SMYD3: variants seen among roughly 807,000 people sequenced by gnomAD.
The protein encoded by SMYD3 is SET and MYND domain containing 3.
In SMYD3, 36 loss-of-function variants were observed where a neutral mutation model predicts 57.7. The ratio of observed to expected loss-of-function variants is 0.62; its 90% CI spans 0.48 to 0.82. The LOEUF (loss-of-function observed/expected upper bound fraction) is 0.82, where lower values mean the gene tolerates loss of function less well. Ranked by LOEUF, SMYD3 falls within the 40% of genes least tolerant of loss-of-function variation. The pLI is 0.00. For missense variants in SMYD3, 515 were observed against 538.8 expected (o/e 0.96, Z 0.44); for synonymous variants, 211 against 195.0 (o/e 1.08, Z -0.68).
intron 5 of SMYD3, among the ~76,000 whole-genome samples, chr1:246,324,436 A>G (rs993177000): frequency 6.6e-6 from 1 of 151,718 alleles, no homozygotes; most frequent in African/African-American, 2.4e-5. Flanking sequence ...AAAAAAAAAA[A>G]AAGATGGGCT....
intron 5 of SMYD3, among the ~76,000 whole-genome samples, chr1:246,244,084 C>A (rs1166711338): frequency 2.1e-5 from 3 of 144,152 alleles, no homozygotes. Flanking sequence ...CATTTTATTT[C>A]ATTAATATCT....
intron 5 of SMYD3, among the ~76,000 whole-genome samples, chr1:246,171,762 AT>A (rs2062338181): frequency 6.6e-6 from 1 of 152,222 alleles, no homozygotes; most frequent in Non-Finnish European, 1.5e-5. Context: ...TATGATTCCA[AT>A]GCTTTGGGAG....
intron 10 of SMYD3, among the ~76,000 whole-genome samples, chr1:245,783,768 T>G (rs1319653018): frequency 1.3e-5 from 2 of 151,932 alleles, no homozygotes; most frequent in Non-Finnish European, 2.9e-5. Context: ...AAAACCAAAA[T>G]AAAAAACACA....
At chr1:245,873,352 A>T (rs2052321255) in intron 8 of SMYD3, among the ~76,000 whole-genome samples, 1 of 152,202 alleles carries the variant, frequency 6.6e-6, no homozygotes, top group Non-Finnish European at 1.5e-5. Context: ...TACCAAATGG[A>T]TGGCTTAGGC....
At chr1:246,260,714 A>T (rs899785247) in intron 5 of SMYD3, among the ~76,000 whole-genome samples, 2 of 152,068 alleles carry the variant, frequency 1.3e-5, no homozygotes, top group African/African-American at 2.4e-5. Flanking sequence ...ACCAGGCGTG[A>T]GCCACTGCGC....
intron 5 of SMYD3, among the ~76,000 whole-genome samples, chr1:246,173,957 T>TCACCACACCTGACTA (rs2062389567): frequency 6.6e-6 from 1 of 151,992 alleles, no homozygotes; most frequent in South Asian, 2.1e-4. Flanking sequence ...CAGGTGCGTG[T>TCACCACACCTGACTA]CACCACACCT....
At chr1:245,817,033 G>A (rs1483032328) in intron 10 of SMYD3, among the ~76,000 whole-genome samples, 2 of 151,536 alleles carry the variant, frequency 1.3e-5, no homozygotes, top group African/African-American at 2.4e-5. Context: ...CTCGAACTGG[G>A]TGGAGCCCAC....
At chr1:246,056,920 T>C (rs2060161955) in intron 5 of SMYD3, among the ~76,000 whole-genome samples, 1 of 152,162 alleles carries the variant, frequency 6.6e-6, no homozygotes, top group Non-Finnish European at 1.5e-5. Context: ...CACTCCACAG[T>C]CACACTTCCC....
intron 10 of SMYD3, among the ~76,000 whole-genome samples, chr1:245,821,417 A>G (rs957846663): frequency 1.8e-4 from 27 of 150,632 alleles, no homozygotes; most frequent in Non-Finnish European, 3.4e-4. Context: ...AAAGACTTAA[A>G]TGTTAGACCT....
chr1:245,815,004 C>T (rs1030916885), intron 10 of SMYD3, among the ~76,000 whole-genome samples: 1 of 152,140 alleles, frequency 6.6e-6, no homozygotes, highest in Admixed American at 6.5e-5. Flanking sequence ...GTAAACTAAG[C>T]CCACAGACAC....
At chr1:245,971,312 G>T (rs894777575) in intron 5 of SMYD3, among the ~76,000 whole-genome samples, 1 of 152,170 alleles carries the variant, frequency 6.6e-6, no homozygotes, top group African/African-American at 2.4e-5. Flanking sequence ...TGGGGCTAGG[G>T]GAGAGATAGC....
chr1:246,054,409 G>T (rs182742527), intron 5 of SMYD3, among the ~76,000 whole-genome samples: 1 of 152,290 alleles, frequency 6.6e-6, no homozygotes, highest in Non-Finnish European at 1.5e-5. Context: ...CGTAGCCACT[G>T]TGACCACAGA....
At chr1:245,832,986 G>A (rs2049919945) in intron 10 of SMYD3, among the ~76,000 whole-genome samples, 1 of 148,460 alleles carries the variant, frequency 6.7e-6, no homozygotes, top group Admixed American at 6.7e-5. Flanking sequence ...TCTCCGCACA[G>A]TGAAGCTTCC....
At chr1:245,792,990 C>T (rs1168289037) in intron 10 of SMYD3, among the ~76,000 whole-genome samples, 1 of 152,280 alleles carries the variant, frequency 6.6e-6, no homozygotes, top group East Asian at 1.9e-4. Context: ...TTGCCTCCTG[C>T]CCCTTACTGC....
At chr1:246,336,436 C>T (rs1344835704) in intron 2 of SMYD3, among the ~76,000 whole-genome samples, 2 of 152,170 alleles carry the variant, frequency 1.3e-5, no homozygotes, top group South Asian at 2.1e-4. Flanking sequence ...TAAATCTGCT[C>T]CTCAATTTCT....
intron 10 of SMYD3, among the ~76,000 whole-genome samples, chr1:245,774,357 G>C (rs2046454857): frequency 6.6e-6 from 1 of 152,160 alleles, no homozygotes; most frequent in Non-Finnish European, 1.5e-5. Context: ...TTACATGCAA[G>C]AGTCCCAGAG....
intron 1 of SMYD3, among the ~76,000 whole-genome samples, chr1:246,498,337 G>T (rs976597423): frequency 6.2e-4 from 94 of 152,322 alleles, no homozygotes; most frequent in Middle Eastern, 6.8e-3. Context: ...GAGCATTATG[G>T]AGCTATAACG....
intron 5 of SMYD3, among the ~76,000 whole-genome samples, chr1:246,240,322 T>C (rs2063586330): frequency 6.6e-6 from 1 of 152,250 alleles, no homozygotes; most frequent in African/African-American, 2.4e-5. Flanking sequence ...TAGTCACTTT[T>C]GCCAGCAACA....
chr1:246,114,859 T>C lies in SMYD3; in HGVS notation c.532-184922A>G, dbSNP rs148520708. The stretch of plus-strand genomic sequence containing the variant: ...GTTGGCCAGGCTGGTCTCGATCTCT[T>C]GACCTCGTGATCTGCCCACCTCGGC... On this transcript the variant is annotated intron_variant, in intron 5 of 11. Transcript: ENST00000490107. Among the ~76,000 whole-genome samples, 261 of 151,608 alleles carry C rather than the reference T, an allele frequency of 1.7e-3. 2 individuals are homozygous for C. The highest frequency in any genetic ancestry group is 6.0e-3 in the African/African-American group (248 of 41,494).
Sources: gnomAD v4.1 joint callset for allele counts (sites outside exome capture counted in the v4.1 genomes callset) on GRCh38, gnomAD v4.1.1 for gene constraint, MANE v1.5 for transcripts, NCBI Gene and HGNC (gene_info 2026-07-23, HGNC 2026-07-21) for gene names.